RP1: variants seen among roughly 807,000 people sequenced by gnomAD.
The protein encoded by RP1 is RP1 axonemal microtubule associated, also known as oxygen-regulated protein 1.
Under a neutral mutation model 14.8 loss-of-function variants are expected in RP1, and 16 were observed. That is an observed-to-expected ratio of 1.08 (90% CI 0.73 to 1.65). The LOEUF (loss-of-function observed/expected upper bound fraction) is 1.65, where lower values mean the gene tolerates loss of function less well. Among genes scored for constraint, RP1 ranks in the 40% most tolerant of loss-of-function variants. The pLI is 0.00. For synonymous variants in RP1, 876 were observed against 883.6 expected (o/e 0.99, Z 0.15); for missense variants, 2,631 against 2,535.0 (o/e 1.04, Z -0.81).
In RP1 at chr8:54,629,965, T is replaced by C. The variant is rs769916678; in HGVS notation, c.6083T>C (p.Leu2028Ser). 1 of 1,614,030 alleles carries C rather than the reference T, an allele frequency of 6.2e-7. No individual in the cohort carries two copies. Among genetic ancestry groups the C allele is most frequent in the East Asian group, 2.2e-5 (1 of 44,844 alleles). The change falls in exon 4 of 4, where the codon TTG becomes TCG. Residue 2028 changes from leucine (L) to serine (S), a missense_variant. Transcript: ENST00000220676. ...EGNLKKFQPDLKERFCMNFLH... is the reference protein window; with the variant it reads ...EGNLKKFQPDSKERFCMNFLH... Reference sequence around the variant, plus strand: ...AATTTAAAGAAATTTCAACCAGATTTGAAGGAAAGGTTTTGTATGAATTTC... The same window carrying C: ...AATTTAAAGAAATTTCAACCAGATTCGAAGGAAAGGTTTTGTATGAATTTC...
chr8:54,657,856 C>T (rs982507154), intron 6 of RP1, among the ~76,000 whole-genome samples: 2 of 152,160 alleles, frequency 1.3e-5, no homozygotes, highest in African/African-American at 4.8e-5. Context: ...TAACAAAACA[C>T]CAAAAGTGGG....
intron 19 of RP1, among the ~76,000 whole-genome samples, chr8:54,752,420 G>A (rs1809395572): frequency 6.6e-6 from 1 of 152,180 alleles, no homozygotes; most frequent in Non-Finnish European, 1.5e-5. Flanking sequence ...CTTCCACCAT[G>A]CAGTTCGAAA....
chr8:54,711,688 T>G (rs145146080), intron 15 of RP1, among the ~76,000 whole-genome samples: 5 of 152,238 alleles, frequency 3.3e-5, no homozygotes, highest in Admixed American at 3.3e-4. Context: ...AATGATCTTA[T>G]GACTCCTTTT....
At chr8:54,659,982 T>C (rs1376126338) in intron 6 of RP1, among the ~76,000 whole-genome samples, 2 of 152,178 alleles carry the variant, frequency 1.3e-5, no homozygotes, top group Non-Finnish European at 2.9e-5. Context: ...CTATTGTAAA[T>C]GCAATTGTTT....
chr8:54,762,744 C>T (rs554246936), intron 22 of RP1, among the ~76,000 whole-genome samples: 6 of 152,348 alleles, frequency 3.9e-5, no homozygotes, highest in South Asian at 2.1e-4. Flanking sequence ...CAGTGATCCA[C>T]GATCCAGGTG....
chr8:54,792,047 C>T (rs184018426), intron 24 of RP1, among the ~76,000 whole-genome samples: 242 of 151,876 alleles, frequency 1.6e-3, no homozygotes, highest in African/African-American at 5.5e-3. Context: ...AATGTGGGCA[C>T]GAGTGACTAT....
intron 24 of RP1, among the ~76,000 whole-genome samples, chr8:54,802,058 A>T (rs1810721563): frequency 6.6e-6 from 1 of 152,206 alleles, no homozygotes; most frequent in East Asian, 1.9e-4. Flanking sequence ...AGAGCTGCAG[A>T]TAATATATAA....
At chr8:54,575,235 T>C (rs1245039381) in intron 1 of RP1, among the ~76,000 whole-genome samples, 1 of 152,200 alleles carries the variant, frequency 6.6e-6, no homozygotes, top group Non-Finnish European at 1.5e-5. Flanking sequence ...GCTCTTATGA[T>C]GATCTGGAAG....
chr8:54,742,809 G>A (rs1321791138), intron 19 of RP1, among the ~76,000 whole-genome samples: 1 of 152,174 alleles, frequency 6.6e-6, no homozygotes, highest in African/African-American at 2.4e-5. Flanking sequence ...TCAATAGCAT[G>A]GATGTGCTTT....
intron 24 of RP1, among the ~76,000 whole-genome samples, chr8:54,814,405 A>G (rs1811085110): frequency 6.6e-6 from 1 of 152,204 alleles, no homozygotes; most frequent in Non-Finnish European, 1.5e-5. Flanking sequence ...CTGTCCCTTG[A>G]AAGTATTTCA....
At chr8:54,778,160 G>A (rs1455851756) in intron 23 of RP1, among the ~76,000 whole-genome samples, 1 of 152,098 alleles carries the variant, frequency 6.6e-6, no homozygotes, top group African/African-American at 2.4e-5. Context: ...AGGCTAAAAT[G>A]TGCCCTTCAG....
chr8:54,768,897 CTTTT>C (rs138672609), intron 22 of RP1, among the ~76,000 whole-genome samples: 1 of 138,648 alleles, frequency 7.2e-6, no homozygotes. Flanking sequence ...TGGTTATATT[CTTTT>C]TTTTTTTTTT....
At chr8:54,663,049 A>G (rs1182734083) in intron 6 of RP1, among the ~76,000 whole-genome samples, 1 of 152,208 alleles carries the variant, frequency 6.6e-6, no homozygotes, top group African/African-American at 2.4e-5. Context: ...CAGACAATTC[A>G]TAAATTTTAA....
chr8:54,686,426 T>A (rs1807564986), intron 12 of RP1, among the ~76,000 whole-genome samples: 1 of 152,090 alleles, frequency 6.6e-6, no homozygotes, highest in African/African-American at 2.4e-5. Flanking sequence ...ATATTTCTAT[T>A]TAGTTATTCA....
intron 12 of RP1, among the ~76,000 whole-genome samples, chr8:54,695,617 G>C (rs1244395039): frequency 6.6e-6 from 1 of 152,048 alleles, no homozygotes; most frequent in Non-Finnish European, 1.5e-5. Context: ...TTAGTTTTCA[G>C]ATTCTTTCAT....
chr8:54,605,657 T>C, intron 1 of RP1, among the ~76,000 whole-genome samples: 1 of 152,178 alleles, frequency 6.6e-6, no homozygotes, highest in South Asian at 2.1e-4. Context: ...TCTCCCATTA[T>C]TATTGTGTGG....
intron 12 of RP1, among the ~76,000 whole-genome samples, chr8:54,681,520 GTGTATGTA>G (rs1017073082): frequency 1.4e-4 from 19 of 138,032 alleles, no homozygotes; most frequent in African/African-American, 4.7e-4. Context: ...GTGTGTGTGT[GTGTATGTA>G]TATATGTATA....
chr8:54,655,467 C>T (rs1806735969), intron 5 of RP1, among the ~76,000 whole-genome samples: 1 of 80,108 alleles, frequency 1.2e-5, no homozygotes, highest in Non-Finnish European at 3.2e-5. Flanking sequence ...ATAATCAGTG[C>T]TTGAGTTTTG....
chr8:54,649,290 C>A, intron 4 of RP1: 3 of 639,184 alleles, frequency 4.7e-6, no homozygotes, highest in Non-Finnish European at 6.9e-6. Context: ...AGTTTTTGCT[C>A]AAGCAGATTT....
Sources: allele counts gnomAD v4.1 joint callset (sites outside exome capture counted in the v4.1 genomes callset), GRCh38; gene constraint gnomAD v4.1.1; transcripts MANE v1.5; gene names NCBI Gene and HGNC (gene_info 2026-07-23, HGNC 2026-07-21).